KCNQ5: variants seen among roughly 807,000 people sequenced by gnomAD.
The protein encoded by KCNQ5 is potassium voltage-gated channel subfamily Q member 5.
KCNQ5 carries 30 observed loss-of-function variants against 98.2 expected under a neutral mutation model. The ratio of observed to expected loss-of-function variants is 0.31; its 90% CI spans 0.23 to 0.41. KCNQ5 has a LOEUF of 0.41. Among genes scored for constraint, KCNQ5 ranks in the 10% least tolerant of loss-of-function variants. The pLI is 1.00. For missense variants in KCNQ5, 835 were observed against 1,182.5 expected (o/e 0.71, Z 4.31); for synonymous variants, 458 against 449.4 (o/e 1.02, Z -0.24).
intron 1 of KCNQ5, among the ~76,000 whole-genome samples, chr6:72,974,385 C>CA (rs201503571): frequency 0.14 from 16,429 of 120,368 alleles, 1,017 homozygotes; most frequent in East Asian, 0.26. Context: ...TAACTAGTGG[C>CA]AAAAAAAAAA....
chr6:72,943,723 G>A (rs538322167), intron 1 of KCNQ5, among the ~76,000 whole-genome samples: 27 of 152,316 alleles, frequency 1.8e-4, no homozygotes, highest in South Asian at 8.3e-4. Flanking sequence ...TACTAACTGC[G>A]TGATCTTGAG....
chr6:72,935,144 C>T (rs554572327), intron 1 of KCNQ5, among the ~76,000 whole-genome samples: 7 of 143,430 alleles, frequency 4.9e-5, no homozygotes, highest in East Asian at 4.1e-4. Context: ...GATCTTGGCT[C>T]GCTGCAACCT....
chr6:72,954,663 G>A (rs570316146), intron 1 of KCNQ5, among the ~76,000 whole-genome samples: 1 of 152,094 alleles, frequency 6.6e-6, no homozygotes, highest in Non-Finnish European at 1.5e-5. Context: ...GTAGTCAGGG[G>A]TGGCAGGAAT....
chr6:72,987,865 G>T (rs1206358713), intron 1 of KCNQ5: 1 of 337,264 alleles, frequency 3.0e-6, no homozygotes, highest in Non-Finnish European at 5.6e-6. Context: ...ACCTTGAGCA[G>T]TAGGATATAA....
intron 1 of KCNQ5, among the ~76,000 whole-genome samples, chr6:72,872,028 C>G: frequency 6.6e-6 from 1 of 152,082 alleles, no homozygotes; most frequent in East Asian, 1.9e-4. Flanking sequence ...ATAAACAAAC[C>G]TAGGTGTCCA....
chr6:72,756,577 A>G (rs946602892), intron 1 of KCNQ5, among the ~76,000 whole-genome samples: 10 of 152,174 alleles, frequency 6.6e-5, no homozygotes, highest in African/African-American at 2.4e-4. Flanking sequence ...TCATAACCCC[A>G]AAGGGTCTAT....
At chr6:72,638,773 G>A (rs2098925607) in intron 1 of KCNQ5, among the ~76,000 whole-genome samples, 4 of 152,126 alleles carry the variant, frequency 2.6e-5, no homozygotes, top group African/African-American at 9.7e-5. Flanking sequence ...TTGTTTCAAG[G>A]GTGACATGTA....
intron 1 of KCNQ5, among the ~76,000 whole-genome samples, chr6:72,924,085 G>C (rs1053078804): frequency 6.6e-6 from 1 of 152,180 alleles, no homozygotes; most frequent in Non-Finnish European, 1.5e-5. Flanking sequence ...GATTTTTATA[G>C]TATTGTTCAT....
At chr6:73,034,767 G>A (rs1456734484) in intron 2 of KCNQ5, among the ~76,000 whole-genome samples, 4 of 151,742 alleles carry the variant, frequency 2.6e-5, no homozygotes, top group Admixed American at 6.5e-5. Context: ...GGAAAAGAGG[G>A]TTAATATGGA....
At chr6:73,020,932 A>G (rs1363944730) in intron 2 of KCNQ5, among the ~76,000 whole-genome samples, 1 of 152,018 alleles carries the variant, frequency 6.6e-6, no homozygotes, top group Non-Finnish European at 1.5e-5. Flanking sequence ...ACACACACAC[A>G]CACAGTCATG....
At chr6:72,797,410 TGGGAGAACCACCTGAGCCCAGGA>T (rs1774396625) in intron 1 of KCNQ5, among the ~76,000 whole-genome samples, 1 of 147,704 alleles carries the variant, frequency 6.8e-6, no homozygotes, top group Non-Finnish European at 1.5e-5. Flanking sequence ...GAGGCTGAGG[TGGGAGAACCACCTGAGCCCAGGA>T]GGTCAAGGTT....
At chr6:73,050,304 AAGGAAGGG>A (rs763573531) in intron 3 of KCNQ5, among the ~76,000 whole-genome samples, 1,370 of 129,370 alleles carry the variant, frequency 0.011, 60 homozygotes, top group Middle Eastern at 0.03. Context: ...GGAAGGAAGG[AAGGAAGGG>A]AGGGAAGAAG....
At chr6:72,997,814 C>T (rs1006520056) in intron 1 of KCNQ5, among the ~76,000 whole-genome samples, 42 of 134,580 alleles carry the variant, frequency 3.1e-4, no homozygotes, top group Non-Finnish European at 1.3e-4. Context: ...AAAAAAAATT[C>T]ACAGAGATTT....
At chr6:72,718,952 G>T (rs1343535764) in intron 1 of KCNQ5, among the ~76,000 whole-genome samples, 1 of 152,104 alleles carries the variant, frequency 6.6e-6, no homozygotes, top group Non-Finnish European at 1.5e-5. Context: ...CTAAGAAATA[G>T]TTCAAACATG....
chr6:73,169,799 G>T lies in KCNQ5; in HGVS notation c.1522G>T (p.Asp508Tyr), dbSNP rs765317709. The T allele has an allele frequency of 6.2e-7, 1 of 1,614,080 alleles. No individual in the cohort carries two copies. The change falls in exon 11 of 14, where the codon GAT becomes TAT. Residue 508 changes from aspartate (D) to tyrosine (Y), a missense_variant. Transcript: ENST00000370398. ...DVYDEKGCQC[D>Y]VSVEDLTPPL... is the part of the protein sequence containing the mutation. The stretch of plus-strand genomic sequence containing the variant: ...ATATGATGAAAAAGGATGCCAGTGT[G>T]ATGTATCAGTGGAAGACCTCACCCC...
intron 5 of KCNQ5, among the ~76,000 whole-genome samples, chr6:73,098,370 AC>A (rs1331218342): frequency 3.3e-5 from 5 of 152,274 alleles, no homozygotes; most frequent in African/African-American, 1.2e-4. Context: ...TAATAACAGA[AC>A]TTCCCAAACC....
At chr6:72,970,949 C>A (rs551751041) in intron 1 of KCNQ5, among the ~76,000 whole-genome samples, 1 of 152,218 alleles carries the variant, frequency 6.6e-6, no homozygotes, top group Non-Finnish European at 1.5e-5. Context: ...GCAAGGACTT[C>A]ATGTCTAAAA....
Position 73,146,626 on chromosome 6 carries a change from C to CAAAA in KCNQ5, c.1468+13009_1468+13012dup, listed in dbSNP as rs58798764. 2.6e-3 allele frequency among the ~76,000 whole-genome samples: 75 copies of CAAAA among 28,476 alleles called. 6 individuals are homozygous for CAAAA. Among genetic ancestry groups the CAAAA allele is most frequent in the African/African-American group, 6.6e-3 (70 of 10,662 alleles). The allele number at this position is 28,476 out of a possible 152,430, so 18.7% of individuals were successfully genotyped here. On this transcript the variant is annotated intron_variant, in intron 10 of 13. Coordinates refer to ENST00000370398, the MANE Select transcript of KCNQ5 (RefSeq NM_019842.4). The stretch of plus-strand genomic sequence containing the variant: ...TGGGCAACAGAACAAGTCCCTGTCT[C>CAAAA]AAAAAAAAAAAAAAAAAAAAAAAAA...
intron 1 of KCNQ5, among the ~76,000 whole-genome samples, chr6:72,760,505 G>C (rs1257772583): frequency 6.6e-6 from 1 of 151,608 alleles, no homozygotes; most frequent in African/African-American, 2.4e-5. Flanking sequence ...TTTGTGCGTA[G>C]CCTGTGCATG....
Sources: gnomAD v4.1 joint callset for allele counts (sites outside exome capture counted in the v4.1 genomes callset) on GRCh38, gnomAD v4.1.1 for gene constraint, MANE v1.5 for transcripts, NCBI Gene and HGNC (gene_info 2026-07-23, HGNC 2026-07-21) for gene names.